The following TIAM1 variants were observed in gnomAD, a reference collection of about 807,000 sequenced individuals.
TIAM1 encodes rho guanine nucleotide exchange factor TIAM1.
A neutral mutation model predicts 163.5 loss-of-function variants in TIAM1; 65 were observed. That is an observed-to-expected ratio of 0.40 (90% CI 0.33 to 0.49). The LOEUF (loss-of-function observed/expected upper bound fraction) is 0.49, where lower values mean the gene tolerates loss of function less well. Among genes scored for constraint, TIAM1 ranks in the 20% least tolerant of loss-of-function variants. The pLI is 0.77. For synonymous variants in TIAM1, 833 were observed against 810.1 expected (o/e 1.03, Z -0.48); for missense variants, 1,789 against 2,044.7 (o/e 0.87, Z 2.41).
intron 2 of TIAM1, among the ~76,000 whole-genome samples, chr21:31,444,955 G>A (rs949591434): frequency 1.1e-4 from 16 of 151,986 alleles, no homozygotes; most frequent in Admixed American, 2.0e-4. Flanking sequence ...CTGAGATCAC[G>A]CCATTGCACT....
At chr21:31,272,227 T>C (rs1391389715) in intron 3 of TIAM1, among the ~76,000 whole-genome samples, 1 of 152,198 alleles carries the variant, frequency 6.6e-6, no homozygotes, top group Non-Finnish European at 1.5e-5. Context: ...TCATGTAACT[T>C]ACTGAATACT....
intron 1 of TIAM1, among the ~76,000 whole-genome samples, chr21:31,489,474 A>G (rs2046386714): frequency 8.5e-6 from 1 of 118,070 alleles, no homozygotes; most frequent in South Asian, 2.9e-4. Flanking sequence ...GAAAGTGAGA[A>G]GGAGATGAAA....
chr21:31,251,541 A>C (rs78088019), intron 5 of TIAM1, among the ~76,000 whole-genome samples: 4,823 of 152,292 alleles, frequency 0.032, 224 homozygotes, highest in African/African-American at 0.1. Context: ...GTAGTCGATA[A>C]TGCCATATTG....
intron 2 of TIAM1, among the ~76,000 whole-genome samples, chr21:31,296,006 G>A (rs1434856988): frequency 6.6e-6 from 1 of 152,058 alleles, no homozygotes; most frequent in African/African-American, 2.4e-5. Flanking sequence ...GCCATGTTGG[G>A]CAGACTGGTC....
intron 2 of TIAM1, among the ~76,000 whole-genome samples, chr21:31,415,753 A>G (rs1005234544): frequency 6.6e-6 from 1 of 152,170 alleles, no homozygotes; most frequent in Non-Finnish European, 1.5e-5. Context: ...GTCAGGGAAG[A>G]TAATTTGAAC....
intron 1 of TIAM1, among the ~76,000 whole-genome samples, chr21:31,518,987 G>C (rs2047475428): frequency 6.6e-6 from 1 of 152,150 alleles, no homozygotes; most frequent in Admixed American, 6.5e-5. Flanking sequence ...TTGAGGTCAG[G>C]AGTTCGAGAC....
intron 6 of TIAM1, among the ~76,000 whole-genome samples, chr21:31,232,261 T>C (rs1305832493): frequency 1.3e-5 from 2 of 152,170 alleles, no homozygotes; most frequent in South Asian, 2.1e-4. Flanking sequence ...CTTTTAACTA[T>C]TAAGTATGCC....
intron 2 of TIAM1, among the ~76,000 whole-genome samples, chr21:31,423,337 A>T (rs1210184370): frequency 6.6e-6 from 1 of 151,816 alleles, no homozygotes; most frequent in East Asian, 1.9e-4. Context: ...TGACCTCATG[A>T]TCCCCTCGCC....
intron 1 of TIAM1, among the ~76,000 whole-genome samples, chr21:31,482,255 G>A (rs2046137482): frequency 6.6e-6 from 1 of 151,932 alleles, no homozygotes; most frequent in Non-Finnish European, 1.5e-5. Flanking sequence ...AGGTTCAAGT[G>A]ATTCTCCTGC....
chr21:31,174,007 C>T (rs1000795298), intron 15 of TIAM1, among the ~76,000 whole-genome samples: 1 of 152,194 alleles, frequency 6.6e-6, no homozygotes, highest in Non-Finnish European at 1.5e-5. Flanking sequence ...ACGAGGCGCG[C>T]GTGTCTCCAA....
At chr21:31,243,202 A>AT (rs1309389035) in intron 6 of TIAM1, among the ~76,000 whole-genome samples, 25 of 135,452 alleles carry the variant, frequency 1.8e-4, no homozygotes, top group African/African-American at 6.2e-4. Flanking sequence ...CAAAAAAAAA[A>AT]AAAAAAAATA....
At chr21:31,204,986 T>C (rs1220939061) in intron 11 of TIAM1, among the ~76,000 whole-genome samples, 2 of 152,218 alleles carry the variant, frequency 1.3e-5, no homozygotes, top group African/African-American at 2.4e-5. Context: ...CTGCCTATAT[T>C]TGAGACCAGA....
intron 15 of TIAM1, among the ~76,000 whole-genome samples, chr21:31,168,063 T>C (rs985617423): frequency 6.6e-6 from 1 of 151,604 alleles, no homozygotes; most frequent in Non-Finnish European, 1.5e-5. Flanking sequence ...GGAAAAGGAA[T>C]ACAGCAGGTT....
At chr21:31,547,497 A>C (rs1018294133) in intron 1 of TIAM1, among the ~76,000 whole-genome samples, 1 of 152,204 alleles carries the variant, frequency 6.6e-6, no homozygotes, top group Non-Finnish European at 1.5e-5. Context: ...GGAAAAAAGG[A>C]AAAAAACTAC....
rs747016856 is a variant in TIAM1, at chr21:31,495,695, C to G, written c.-421-31660G>C. On this transcript the variant is annotated intron_variant, in intron 1 of 28. Transcript: ENST00000286827. ...TGCTCTTATTACAATGGAGGCCAGG[C>G]GCAGTGGCTCACGCCTGTAATCCCG... 8.5e-5 allele frequency among the ~76,000 whole-genome samples: 13 copies of G among 152,206 alleles called. 1 individual carries two copies. The highest frequency in any genetic ancestry group is 1.6e-4 in the Non-Finnish European group (11 of 68,038).
chr21:31,475,105 G>A (rs894007976), intron 1 of TIAM1, among the ~76,000 whole-genome samples: 2 of 151,326 alleles, frequency 1.3e-5, no homozygotes, highest in Non-Finnish European at 2.9e-5. Flanking sequence ...AGGCTGGAGT[G>A]CAGTGGTTTG....
At chr21:31,470,177 A>G (rs1325616569) in intron 1 of TIAM1, among the ~76,000 whole-genome samples, 3 of 148,372 alleles carry the variant, frequency 2.0e-5, no homozygotes, top group East Asian at 2.1e-4. Context: ...GCCAATTTTT[A>G]TATTTTTGGT....
rs146697616 is a variant in TIAM1 at position 31,203,342 on chromosome 21, C to T, written c.2389-330G>A. ...TTCACTATGTTGGCCAGGCTGGTCT[C>T]GAACTCCTGACCTCAGGTGATTCAC... On this transcript the variant is annotated intron_variant, in intron 11 of 27. Coordinates refer to ENST00000541036, the MANE Select transcript of TIAM1 (RefSeq NM_001353694.2). 3.4e-4 allele frequency among the ~76,000 whole-genome samples: 52 copies of T among 152,250 alleles called. No homozygotes were observed. In the East Asian group the frequency reaches 7.3e-3, roughly 22 times the overall value.
intron 1 of TIAM1, among the ~76,000 whole-genome samples, chr21:31,481,963 G>A (rs770024553): frequency 2.0e-5 from 3 of 151,638 alleles, no homozygotes; most frequent in Non-Finnish European, 4.4e-5. Context: ...CCCTCATCCC[G>A]AAGCTATCAA....
Sources: allele counts gnomAD v4.1 joint callset (sites outside exome capture counted in the v4.1 genomes callset), GRCh38; gene constraint gnomAD v4.1.1; transcripts MANE v1.5; gene names NCBI Gene and HGNC (gene_info 2026-07-23, HGNC 2026-07-21).